Variants in ST7 observed in about 807,000 individuals in gnomAD.
ST7 encodes suppressor of tumorigenicity 7 protein.
In ST7, 28 loss-of-function variants were observed where a neutral mutation model predicts 78.7. The observed-to-expected ratio is 0.36, with a 90% CI of 0.26 to 0.49. ST7 has a LOEUF of 0.49. Among genes scored for constraint, ST7 ranks in the 20% least tolerant of loss-of-function variants. The probability of loss-of-function intolerance (pLI) is 0.99; values close to 1 mark genes in which losing one functional copy is unlikely to be tolerated. For synonymous variants in ST7, 247 were observed against 249.6 expected (o/e 0.99, Z 0.10); for missense variants, 418 against 696.0 (o/e 0.60, Z 4.49).
chr7:117,183,055 T>C (rs561545285), intron 10 of ST7, among the ~76,000 whole-genome samples: 70 of 152,244 alleles, frequency 4.6e-4, no homozygotes, highest in African/African-American at 1.6e-3. Flanking sequence ...GGAGGTCAGA[T>C]TGGTAAGATA....
rs115036774 is a variant in ST7 at position 116,990,323 on chromosome 7, C to A, written c.151+36632C>A. ...TTTCTCCTTCAGCTTTCCTCTTTAT[C>A]CTGCTTGGACCGTTTTCTTTCTATT... On this transcript the variant is annotated intron_variant, in intron 1 of 15. Coordinates refer to ENST00000323984, the MANE Select transcript of ST7 (RefSeq NM_001369598.1). 9.8e-3 allele frequency among the ~76,000 whole-genome samples: 1,486 copies of A among 152,116 alleles called. 31 individuals are homozygous for A. The highest frequency in any genetic ancestry group is 0.034 in the African/African-American group (1,404 of 41,492).
chr7:117,130,435 A>T, intron 4 of ST7, 56 bp from the exon 5 acceptor site: 1 of 1,285,192 alleles, frequency 7.8e-7, no homozygotes, highest in African/African-American at 1.5e-5. Flanking sequence ...TTAATATTTT[A>T]TAGGTCTTGC....
At chr7:116,961,846 C>T (rs905265296) in intron 1 of ST7, among the ~76,000 whole-genome samples, 2 of 151,618 alleles carry the variant, frequency 1.3e-5, no homozygotes, top group African/African-American at 4.8e-5. Context: ...ATACGTGTGC[C>T]ATGGTGGTTT....
At chr7:117,173,270 G>A (rs1163774940) in intron 10 of ST7, 1 of 152,154 alleles carries the variant, frequency 6.6e-6, no homozygotes, top group African/African-American at 2.4e-5. Context: ...CTCGTTAGGG[G>A]TTTTGAGTTC....
At chr7:117,094,357 T>C (rs980443784) in intron 1 of ST7, among the ~76,000 whole-genome samples, 3 of 152,218 alleles carry the variant, frequency 2.0e-5, no homozygotes, top group African/African-American at 7.2e-5. Flanking sequence ...TTTACCTGGT[T>C]AACTTTCTAT....
chr7:117,081,975 G>A (rs1247504385), intron 1 of ST7, among the ~76,000 whole-genome samples: 1 of 151,994 alleles, frequency 6.6e-6, no homozygotes, highest in Non-Finnish European at 1.5e-5. Context: ...GGGTAGGGTG[G>A]GCCATTAATC....
chr7:117,210,774 A>G (rs1440839543), intron 13 of ST7, among the ~76,000 whole-genome samples: 3 of 152,220 alleles, frequency 2.0e-5, no homozygotes, highest in African/African-American at 7.2e-5. Context: ...ATGTAAATTA[A>G]GGAAAAAAGT....
At chr7:116,972,644 C>T (rs561770928) in intron 1 of ST7, 1 of 1,181,102 alleles carries the variant, frequency 8.5e-7, no homozygotes, top group African/African-American at 1.5e-5. Context: ...AACTTCATAC[C>T]TCTCTCACTC....
intron 1 of ST7, among the ~76,000 whole-genome samples, chr7:117,010,248 G>A (rs1795333643): frequency 6.6e-6 from 1 of 152,168 alleles, no homozygotes; most frequent in African/African-American, 2.4e-5. Context: ...TCACTTCATA[G>A]GGTAGTTCTT....
At chr7:117,021,262 A>C (rs889654681) in intron 1 of ST7, among the ~76,000 whole-genome samples, 2 of 152,224 alleles carry the variant, frequency 1.3e-5, no homozygotes, top group African/African-American at 4.8e-5. Flanking sequence ...GCCCTGCACA[A>C]TGGGCTAGGC....
At chr7:116,990,997 AG>A (rs1794401534) in intron 1 of ST7, among the ~76,000 whole-genome samples, 2 of 152,240 alleles carry the variant, frequency 1.3e-5, no homozygotes, top group Non-Finnish European at 2.9e-5. Flanking sequence ...ACCAGTACTG[AG>A]AGGCCTTCCA....
chr7:117,171,814 A>G (rs1305565765), intron 10 of ST7, among the ~76,000 whole-genome samples: 5 of 152,094 alleles, frequency 3.3e-5, no homozygotes, highest in African/African-American at 1.2e-4. Context: ...GTAGGGAATG[A>G]TTACTTATTA....
chr7:117,193,150 TACACACACACAC>T (rs137866535), intron 12 of ST7, among the ~76,000 whole-genome samples: 4 of 144,850 alleles, frequency 2.8e-5, no homozygotes, highest in Non-Finnish European at 4.6e-5. Flanking sequence ...CTTTAGCAGA[TACACACACACAC>T]ACACACACAC....
chr7:117,022,477 T>C (rs1421236737), intron 1 of ST7, among the ~76,000 whole-genome samples: 2 of 152,204 alleles, frequency 1.3e-5, no homozygotes, highest in Admixed American at 1.3e-4. Context: ...CTGCATTCAG[T>C]GTTAGGACAA....
intron 12 of ST7, among the ~76,000 whole-genome samples, chr7:117,195,789 A>T (rs1396600292): frequency 2.0e-5 from 3 of 152,180 alleles, no homozygotes; most frequent in Non-Finnish European, 4.4e-5. Flanking sequence ...ATAATTCAAG[A>T]AGAGATTTGG....
intron 12 of ST7, among the ~76,000 whole-genome samples, chr7:117,206,537 C>T (rs1166053712): frequency 6.6e-6 from 1 of 152,080 alleles, no homozygotes; most frequent in African/African-American, 2.4e-5. Flanking sequence ...ACCTCATGGC[C>T]TATGTTTGGG....
chr7:116,989,883 A>G (rs1794350391), intron 1 of ST7, among the ~76,000 whole-genome samples: 1 of 152,076 alleles, frequency 6.6e-6, no homozygotes, highest in South Asian at 2.1e-4. Context: ...TCCTTGATTG[A>G]TAGAAAACCA....
At chr7:117,102,923 A>G (rs1057131266) in intron 2 of ST7, among the ~76,000 whole-genome samples, 4 of 152,204 alleles carry the variant, frequency 2.6e-5, no homozygotes, top group African/African-American at 7.2e-5. Context: ...TAACATTTAT[A>G]TATGCTAACA....
intron 1 of ST7, among the ~76,000 whole-genome samples, chr7:117,063,806 A>C (rs1470589203): frequency 6.6e-6 from 1 of 152,196 alleles, no homozygotes; most frequent in South Asian, 2.1e-4. Flanking sequence ...AAGGTAGCTG[A>C]ATTTTTAAAA....
Sources: gnomAD v4.1 joint callset for allele counts (sites outside exome capture counted in the v4.1 genomes callset) on GRCh38, gnomAD v4.1.1 for gene constraint, MANE v1.5 for transcripts, NCBI Gene and HGNC (gene_info 2026-07-23, HGNC 2026-07-21) for gene names.